Variants in NDUFAF6 observed in about 807,000 individuals in gnomAD.
The protein encoded by NDUFAF6 is NADH dehydrogenase (ubiquinone) complex I, assembly factor 6.
A neutral mutation model predicts 40.8 loss-of-function variants in NDUFAF6; 45 were observed. The ratio of observed to expected loss-of-function variants is 1.10; its 90% CI spans 0.87 to 1.42. The LOEUF (loss-of-function observed/expected upper bound fraction) is 1.42, where lower values mean the gene tolerates loss of function less well. NDUFAF6 is among the 40% of genes most tolerant of loss of function. The pLI is 0.00. For synonymous variants in NDUFAF6, 185 were observed against 155.9 expected (o/e 1.19, Z -1.39); for missense variants, 435 against 418.5 (o/e 1.04, Z -0.34).
intron 2 of NDUFAF6, among the ~76,000 whole-genome samples, chr8:94,998,188 A>G (rs1185986981): frequency 1.3e-5 from 2 of 152,166 alleles, no homozygotes; most frequent in Non-Finnish European, 2.9e-5. Flanking sequence ...TCTTTCTTAT[A>G]TTCTTTGCCT....
At chr8:94,970,249 G>A (rs151049040) in intron 1 of NDUFAF6, among the ~76,000 whole-genome samples, 16,051 of 115,132 alleles carry the variant, frequency 0.14, 1,262 homozygotes, top group Middle Eastern at 0.25. Context: ...GCAAGACTCC[G>A]TCTCAAAAAA....
chr8:95,013,962 C>G (rs567654841), intron 2 of NDUFAF6, among the ~76,000 whole-genome samples: 47 of 152,242 alleles, frequency 3.1e-4, no homozygotes, highest in African/African-American at 1.1e-3. Context: ...AGGGAGAATG[C>G]CATGTAAAGA....
chr8:94,980,511 T>G (rs1007367271), intron 1 of NDUFAF6, among the ~76,000 whole-genome samples: 21 of 143,152 alleles, frequency 1.5e-4, no homozygotes, highest in African/African-American at 5.4e-4. Context: ...TGGTGTGATC[T>G]CGGCTCACTG....
At chr8:95,023,886 G>A (rs1478420680), upstream of NDUFAF6, among the ~76,000 whole-genome samples, 1 of 151,994 alleles carries the variant, frequency 6.6e-6, no homozygotes, top group Admixed American at 6.5e-5. Context: ...AGCTACTCGG[G>A]AGGCTGAGGC....
At chr8:95,087,055 A>G (rs978914612) in intron 2 of NDUFAF6, among the ~76,000 whole-genome samples, 1 of 151,450 alleles carries the variant, frequency 6.6e-6, no homozygotes, top group Non-Finnish European at 1.5e-5. Flanking sequence ...GGGACCAAAT[A>G]CAACTTTTCT....
chr8:95,084,404 T>C (rs1168470230), intron 2 of NDUFAF6, among the ~76,000 whole-genome samples: 1 of 152,216 alleles, frequency 6.6e-6, no homozygotes, highest in African/African-American at 2.4e-5. Context: ...AAACGTCATC[T>C]GTGTTTAAAT....
chr8:94,948,372 C>A (rs751773244), intron 2 of NDUFAF6, among the ~76,000 whole-genome samples: 6 of 152,150 alleles, frequency 3.9e-5, no homozygotes, highest in Non-Finnish European at 8.8e-5. Context: ...AAAGCAAAGC[C>A]CCCAGCATAG....
chr8:95,024,881 T>C (rs1454931079), upstream of NDUFAF6: 5 of 826,514 alleles, frequency 6.0e-6, no homozygotes, highest in Non-Finnish European at 6.5e-6. Flanking sequence ...CACCTGGCTC[T>C]TCTTTGAGCG....
intron 6 of NDUFAF6, among the ~76,000 whole-genome samples, chr8:95,048,228 T>A (rs1831028810): frequency 6.6e-6 from 1 of 152,100 alleles, no homozygotes; most frequent in Non-Finnish European, 1.5e-5. Flanking sequence ...GTTCCAGGTG[T>A]CACTCTCTCA....
chr8:94,990,535 C>A (rs1476956162), intron 2 of NDUFAF6, among the ~76,000 whole-genome samples: 1 of 152,126 alleles, frequency 6.6e-6, no homozygotes, highest in Non-Finnish European at 1.5e-5. Flanking sequence ...AAAAAAAAAT[C>A]CTTGTCACCC....
upstream of NDUFAF6, among the ~76,000 whole-genome samples, chr8:95,097,024 G>A (rs766337746): frequency 3.9e-5 from 6 of 152,238 alleles, no homozygotes; most frequent in African/African-American, 7.2e-5. Context: ...CCTACCCAAT[G>A]AGGCCTAACA....
At chr8:94,980,784 C>T (rs1390464593) in intron 1 of NDUFAF6, 1 of 353,754 alleles carries the variant, frequency 2.8e-6, no homozygotes. Flanking sequence ...GGCATAAAAC[C>T]TTAGTTTAGT....
intron 2 of NDUFAF6, chr8:95,102,873 C>T (rs984493943): frequency 6.6e-6 from 1 of 152,152 alleles, no homozygotes; most frequent in Non-Finnish European, 1.5e-5. Context: ...CTTTGGGGCC[C>T]AGCTAGATTT....
intron 2 of NDUFAF6, among the ~76,000 whole-genome samples, chr8:95,000,954 C>CTT (rs1158530408): frequency 2.6e-4 from 35 of 134,014 alleles, no homozygotes; most frequent in African/African-American, 5.5e-4. Context: ...CTTCCCCTTA[C>CTT]TTTTTTTTTT....
chr8:94,940,161 A>ACTCTTCACTGATGTCCTC, intron 1 of NDUFAF6: 1 of 1,614,030 alleles, frequency 6.2e-7, no homozygotes, highest in Non-Finnish European at 8.5e-7. Flanking sequence ...TCAGTAGGTG[A>ACTCTTCACTGATGTCCTC]CTCTTCACTG....
At chr8:94,952,095 T>A (rs978239801) in intron 2 of NDUFAF6, among the ~76,000 whole-genome samples, 12 of 152,248 alleles carry the variant, frequency 7.9e-5, no homozygotes, top group African/African-American at 2.9e-4. Flanking sequence ...GTCAGAGTTC[T>A]CCTGTCTGTT....
intron 1 of NDUFAF6, among the ~76,000 whole-genome samples, chr8:94,897,546 A>G (rs1480732362): frequency 6.6e-6 from 1 of 152,184 alleles, no homozygotes; most frequent in Non-Finnish European, 1.5e-5. Context: ...TTAAAACACC[A>G]TGGTAAATAA....
intron 2 of NDUFAF6, among the ~76,000 whole-genome samples, chr8:94,992,480 C>T (rs1213605366): frequency 6.6e-6 from 1 of 151,948 alleles, no homozygotes; most frequent in African/African-American, 2.4e-5. Flanking sequence ...GAGCAAGACT[C>T]CCGTCTCAAA....
chr8:95,078,896 T>C (rs1026056953), downstream of NDUFAF6, among the ~76,000 whole-genome samples: 1 of 152,082 alleles, frequency 6.6e-6, no homozygotes, highest in East Asian at 1.9e-4. Flanking sequence ...CATTCTTTTT[T>C]ATTGATGAAT....
Sources: gnomAD v4.1 joint callset for allele counts (sites outside exome capture counted in the v4.1 genomes callset) on GRCh38, gnomAD v4.1.1 for gene constraint, MANE v1.5 for transcripts, NCBI Gene and HGNC (gene_info 2026-07-23, HGNC 2026-07-21) for gene names.